Variants in ZPBP observed in about 807,000 individuals in gnomAD.
The protein encoded by ZPBP is zona pellucida binding protein, also known as zona pellucida-binding protein 1.
Under a neutral mutation model 44.8 loss-of-function variants are expected in ZPBP, and 26 were observed. The ratio of observed to expected loss-of-function variants is 0.58; its 90% CI spans 0.43 to 0.81. ZPBP has a LOEUF of 0.81. Among genes scored for constraint, ZPBP ranks in the 30% least tolerant of loss-of-function variants. The probability of loss-of-function intolerance (pLI) is 0.00; values close to 1 mark genes in which losing one functional copy is unlikely to be tolerated. For synonymous variants in ZPBP, 174 were observed against 153.2 expected (o/e 1.14, Z -1.00); for missense variants, 409 against 434.0 (o/e 0.94, Z 0.51).
At chr7:49,969,837 AG>A (rs1562808862) in intron 7 of ZPBP, among the ~76,000 whole-genome samples, 46 of 83,226 alleles carry the variant, frequency 5.5e-4, no homozygotes, top group African/African-American at 1.1e-3. Flanking sequence ...AGAGAGAGAG[AG>A]AGAGAGAAAG....
At chr7:49,908,274 T>A (rs1354387646) in intron 1 of ZPBP, among the ~76,000 whole-genome samples, 1 of 152,192 alleles carries the variant, frequency 6.6e-6, no homozygotes, top group East Asian at 1.9e-4. Context: ...GTCCAACGCC[T>A]ACATTTCATC....
At chr7:50,062,509 C>A (rs566939853) in intron 3 of ZPBP, among the ~76,000 whole-genome samples, 1 of 152,214 alleles carries the variant, frequency 6.6e-6, no homozygotes, top group East Asian at 1.9e-4. Context: ...AGAGACCCCA[C>A]AAATAAAGCC....
At chr7:49,941,338 T>C (rs1794875866) in intron 7 of ZPBP, among the ~76,000 whole-genome samples, 1 of 152,128 alleles carries the variant, frequency 6.6e-6, no homozygotes, top group South Asian at 2.1e-4. Flanking sequence ...GTATTGCATA[T>C]CCATGCACCC....
chr7:49,969,008 G>A (rs773148310), intron 7 of ZPBP, among the ~76,000 whole-genome samples: 1 of 151,588 alleles, frequency 6.6e-6, no homozygotes, highest in African/African-American at 2.4e-5. Context: ...TTAATTTATG[G>A]TGATTGATGT....
intron 6 of ZPBP, among the ~76,000 whole-genome samples, chr7:49,991,347 G>T (rs1443393322): frequency 1.3e-5 from 2 of 152,108 alleles, no homozygotes; most frequent in Non-Finnish European, 2.9e-5. Context: ...GCAATAATGT[G>T]ATCTCATATT....
At chr7:50,082,345 GAATA>G (rs1209743690) in intron 2 of ZPBP, among the ~76,000 whole-genome samples, 2 of 151,812 alleles carry the variant, frequency 1.3e-5, no homozygotes, top group Non-Finnish European at 2.9e-5. Context: ...ATGATGTACT[GAATA>G]AAAATGATAA....
chr7:49,922,442 G>T (rs896369461), intron 1 of ZPBP, among the ~76,000 whole-genome samples: 4 of 152,164 alleles, frequency 2.6e-5, no homozygotes, highest in African/African-American at 4.8e-5. Flanking sequence ...TCCGGAACTG[G>T]AAGATTAGGC....
intron 5 of ZPBP, among the ~76,000 whole-genome samples, chr7:50,024,158 A>G (rs1399860720): frequency 6.6e-6 from 1 of 152,050 alleles, no homozygotes. Flanking sequence ...ATGATAGATA[A>G]TGTAGTGGTG....
In ZPBP at chr7:49,928,541, G is replaced by A. The variant is rs554370166; in HGVS notation, n.411+7210C>T. Among the ~76,000 whole-genome samples the A allele has an allele frequency of 5.3e-5, 8 of 152,260 alleles. No individual in the cohort carries two copies. In the South Asian group the frequency reaches 1.5e-3, roughly 28 times the overall value. ...GTAGGGCTGTCTACTTGTGGCTGCT[G>A]CCAACATACTATGTACAGCACTCTA... On this transcript the variant is annotated intron_variant and non_coding_transcript_variant, in intron 1 of 2. Coordinates refer to the ZPBP transcript ENST00000465922.
chr7:49,988,619 C>T (rs1797426132), intron 6 of ZPBP, among the ~76,000 whole-genome samples: 1 of 151,966 alleles, frequency 6.6e-6, no homozygotes, highest in African/African-American at 2.4e-5. Flanking sequence ...CTGTAACTAC[C>T]ATGGACATTC....
intron 2 of ZPBP, among the ~76,000 whole-genome samples, chr7:49,899,599 A>G (rs1792597691): frequency 6.6e-6 from 1 of 152,046 alleles, no homozygotes; most frequent in Non-Finnish European, 1.5e-5. Context: ...ATAATGATAA[A>G]TGAGTCAATT....
intron 7 of ZPBP, chr7:49,940,858 T>C (rs1261231647): frequency 1.1e-6 from 1 of 913,222 alleles, no homozygotes; most frequent in Non-Finnish European, 1.3e-6. Flanking sequence ...GTGCAGTTCC[T>C]GAAAACCACA....
intron 7 of ZPBP, among the ~76,000 whole-genome samples, chr7:49,981,545 A>ATGGTAT (rs1562819934): frequency 2.2e-5 from 2 of 89,144 alleles, no homozygotes; most frequent in African/African-American, 4.5e-5. Context: ...AATTTTATAT[A>ATGGTAT]ATTATATAAA....
chr7:49,998,542 A>G lies in ZPBP; in HGVS notation c.784-15023T>C, dbSNP rs78926129. ...AGAGTCACCAGGCTCCTTGCTTCTT[A>G]TAAGTGATTAACTACAAGTATCCAC... On this transcript the variant is annotated intron_variant, in intron 6 of 7. Coordinates refer to ENST00000046087, the MANE Select transcript of ZPBP (RefSeq NM_007009.3). 6.9e-3 allele frequency among the ~76,000 whole-genome samples: 1,054 copies of G among 152,352 alleles called. 4 individuals are homozygous for G. Among genetic ancestry groups the G allele is most frequent in the Non-Finnish European group, 0.011 (752 of 68,032 alleles).
At chr7:50,061,289 A>G (rs1584144644) in intron 3 of ZPBP, among the ~76,000 whole-genome samples, 1 of 152,312 alleles carries the variant, frequency 6.6e-6, no homozygotes, top group East Asian at 1.9e-4. Flanking sequence ...TCCTATTAAC[A>G]TAGTTCTGGA....
At chr7:49,988,641 G>A (rs1797427746) in intron 6 of ZPBP, among the ~76,000 whole-genome samples, 1 of 152,062 alleles carries the variant, frequency 6.6e-6, no homozygotes, top group Non-Finnish European at 1.5e-5. Context: ...ATTATTCACA[G>A]ATAATTGTTG....
At chr7:49,987,032 A>G (rs959288854) in intron 6 of ZPBP, among the ~76,000 whole-genome samples, 12 of 152,146 alleles carry the variant, frequency 7.9e-5, no homozygotes, top group Non-Finnish European at 1.2e-4. Flanking sequence ...CCTGGGTTCA[A>G]TCTTGGCTTA....
At chr7:50,064,686 C>T (rs1471243383) in intron 3 of ZPBP, among the ~76,000 whole-genome samples, 3 of 152,320 alleles carry the variant, frequency 2.0e-5, no homozygotes, top group South Asian at 2.1e-4. Flanking sequence ...AGCTCGCCAG[C>T]GGTCAGAGTT....
chr7:49,900,706 T>C (rs1271696691), intron 2 of ZPBP, among the ~76,000 whole-genome samples: 2 of 151,818 alleles, frequency 1.3e-5, no homozygotes, highest in Non-Finnish European at 3.0e-5. Flanking sequence ...CCAGATAGGA[T>C]CACTGGTGAA....
Sources: allele counts gnomAD v4.1 joint callset (sites outside exome capture counted in the v4.1 genomes callset), GRCh38; gene constraint gnomAD v4.1.1; transcripts MANE v1.5; gene names NCBI Gene and HGNC (gene_info 2026-07-23, HGNC 2026-07-21).